NAALADL2: variants seen among roughly 807,000 people sequenced by gnomAD.
NAALADL2 encodes N-acetylated alpha-linked acidic dipeptidase like 2, also known as inactive N-acetylated-alpha-linked acidic dipeptidase-like protein 2.
A neutral mutation model predicts 87.2 loss-of-function variants in NAALADL2; 76 were observed. The ratio of observed to expected loss-of-function variants is 0.87; its 90% CI spans 0.72 to 1.05. The LOEUF is 1.05. Ranked by LOEUF, NAALADL2 falls within the 50% of genes least tolerant of loss-of-function variation. The pLI, the probability that NAALADL2 is intolerant of heterozygous loss-of-function variation, is 0.00. For synonymous variants in NAALADL2, 354 were observed against 331.0 expected, an observed-to-expected ratio of 1.07 and a Z score of -0.75; for missense variants, 1,089 against 945.8, an observed-to-expected ratio of 1.15 and a Z score of -1.99.
At position 175,351,854 on chromosome 3, in the gene NAALADL2, G is replaced by A. The variant is rs186859974; in HGVS notation, c.1090+27529G>A. On this transcript the variant is annotated intron_variant, in intron 5 of 13. Transcript: ENST00000454872. ...GTTCCTAGTCATCCATTTGGGGGTG[G>A]CGAATGTGTTTATCTGATCTTAAAG... Among the ~76,000 whole-genome samples the A allele has an allele frequency of 1.7e-3, 264 of 152,160 alleles. 1 individual carries two copies. The highest frequency in any genetic ancestry group is 6.0e-3 in the African/African-American group (251 of 41,512).
intron 1 of NAALADL2, chr3:174,864,178 C>A (rs1048042522): frequency 5.0e-6 from 2 of 402,528 alleles, no homozygotes; most frequent in African/African-American, 2.1e-5. Context: ...AGGGTCTTTG[C>A]AGCAGGCAAA....
At chr3:175,136,192 T>A (rs1398183558) in intron 2 of NAALADL2, among the ~76,000 whole-genome samples, 1 of 151,986 alleles carries the variant, frequency 6.6e-6, no homozygotes, top group African/African-American at 2.4e-5. Flanking sequence ...ATCATTGCAG[T>A]GTAAGAGGAG....
intron 1 of NAALADL2, among the ~76,000 whole-genome samples, chr3:174,510,971 A>C (rs1719564726): frequency 1.3e-5 from 2 of 151,986 alleles, no homozygotes; most frequent in African/African-American, 4.8e-5. Context: ...ATTTGAAAGA[A>C]TTTTGGGATT....
chr3:175,580,719 T>A (rs1350799903), intron 10 of NAALADL2, among the ~76,000 whole-genome samples: 2 of 152,210 alleles, frequency 1.3e-5, no homozygotes, highest in South Asian at 4.1e-4. Flanking sequence ...TCATTGGTGT[T>A]CTCTCTAGAT....
At chr3:174,881,961 T>C (rs1213092803) in intron 1 of NAALADL2, among the ~76,000 whole-genome samples, 2 of 152,206 alleles carry the variant, frequency 1.3e-5, no homozygotes, top group African/African-American at 4.8e-5. Flanking sequence ...AATCAAATTA[T>C]TTAATGATAT....
chr3:175,673,204 T>C (rs1582850104), intron 11 of NAALADL2, among the ~76,000 whole-genome samples: 1 of 152,186 alleles, frequency 6.6e-6, no homozygotes, highest in African/African-American at 2.4e-5. Context: ...TATCCTCTCT[T>C]GTGAGAATAA....
intron 3 of NAALADL2, among the ~76,000 whole-genome samples, chr3:175,251,915 G>A (rs763460019): frequency 1.1e-4 from 17 of 152,126 alleles, no homozygotes; most frequent in South Asian, 2.1e-4. Flanking sequence ...TTGATACAAC[G>A]TTGTCTGTAT....
At chr3:175,249,247 C>A (rs948333542) in intron 3 of NAALADL2, among the ~76,000 whole-genome samples, 1 of 151,488 alleles carries the variant, frequency 6.6e-6, no homozygotes, top group Non-Finnish European at 1.5e-5. Flanking sequence ...TTATTTATTA[C>A]CTGAAAAAAG....
chr3:174,795,085 A>G (rs1446301123), intron 3 of NAALADL2, among the ~76,000 whole-genome samples: 2 of 134,834 alleles, frequency 1.5e-5, no homozygotes, highest in African/African-American at 5.6e-5. Flanking sequence ...TCCGCCTCCC[A>G]GGTTCAAACA....
intron 5 of NAALADL2, among the ~76,000 whole-genome samples, chr3:175,368,572 A>AGT (rs3068008): frequency 0.14 from 21,281 of 149,558 alleles, 1,610 homozygotes; most frequent in African/African-American, 0.17. Context: ...GGTGTGTGTG[A>AGT]GTGTGTGTGT....
At chr3:174,798,081 G>A (rs983043626) in intron 3 of NAALADL2, among the ~76,000 whole-genome samples, 18 of 152,118 alleles carry the variant, frequency 1.2e-4, no homozygotes, top group African/African-American at 4.3e-4. Flanking sequence ...TGCGGATATT[G>A]TTCCAGCAGA....
chr3:175,722,922 A>G (rs1742434587), intron 11 of NAALADL2, among the ~76,000 whole-genome samples: 1 of 152,146 alleles, frequency 6.6e-6, no homozygotes. Context: ...ATATGATACA[A>G]TGATGCACAG....
chr3:174,775,899 T>C (rs982261206), intron 3 of NAALADL2, among the ~76,000 whole-genome samples: 26 of 152,314 alleles, frequency 1.7e-4, no homozygotes, highest in Non-Finnish European at 2.5e-4. Context: ...CTGAGTGTTA[T>C]ACGTAACAAA....
intron 1 of NAALADL2, among the ~76,000 whole-genome samples, chr3:174,463,268 T>C (rs1047103121): frequency 1.3e-5 from 2 of 152,166 alleles, no homozygotes; most frequent in African/African-American, 4.8e-5. Flanking sequence ...CTCAGTATAC[T>C]TTTGTCCTGC....
chr3:174,897,501 A>C (rs1261909327), intron 1 of NAALADL2, among the ~76,000 whole-genome samples: 3 of 152,146 alleles, frequency 2.0e-5, no homozygotes, highest in Non-Finnish European at 4.4e-5. Context: ...GATTATATCC[A>C]AAAGACAGGC....
At chr3:174,542,669 T>C (rs933650801) in intron 1 of NAALADL2, among the ~76,000 whole-genome samples, 27 of 152,210 alleles carry the variant, frequency 1.8e-4, no homozygotes, top group African/African-American at 5.8e-4. Context: ...ATTCCCTGGT[T>C]ATAGCTATGT....
chr3:174,959,206 T>C (rs1490386619), intron 1 of NAALADL2, among the ~76,000 whole-genome samples: 2 of 152,070 alleles, frequency 1.3e-5, no homozygotes, highest in African/African-American at 2.4e-5. Flanking sequence ...CGGTAGCATA[T>C]GTTTGTTTGG....
At chr3:174,612,144 T>C (rs1719974207) in intron 2 of NAALADL2, among the ~76,000 whole-genome samples, 1 of 152,196 alleles carries the variant, frequency 6.6e-6, no homozygotes, top group African/African-American at 2.4e-5. Context: ...AAGTTTCCAC[T>C]GGAAAGTCTG....
intron 2 of NAALADL2, chr3:175,218,112 G>C (rs1295435228): frequency 9.0e-6 from 4 of 444,982 alleles, no homozygotes; most frequent in Non-Finnish European, 1.8e-5. Flanking sequence ...GGTGTGGCTT[G>C]ATGAAATTAA....
Sources: gnomAD v4.1 joint callset for allele counts (sites outside exome capture counted in the v4.1 genomes callset) on GRCh38, gnomAD v4.1.1 for gene constraint, MANE v1.5 for transcripts, NCBI Gene and HGNC (gene_info 2026-07-23, HGNC 2026-07-21) for gene names.